Variants in SLC8A1 observed in about 807,000 individuals in gnomAD.
The protein encoded by SLC8A1 is sodium/calcium exchanger 1.
A neutral mutation model predicts 68.3 loss-of-function variants in SLC8A1; 18 were observed. The ratio of observed to expected loss-of-function variants is 0.26; its 90% confidence interval spans 0.18 to 0.39. The LOEUF is 0.39. Among genes scored for constraint, SLC8A1 ranks in the 10% least tolerant of loss-of-function variants. SLC8A1 has a pLI of 1.00. For synonymous variants in SLC8A1, 475 were observed against 415.5 expected (o/e 1.14, Z -1.74); for missense variants, 985 against 1,156.7 (o/e 0.85, Z 2.15).
chr2:40,234,709 C>T (rs1046385275), intron 2 of SLC8A1, among the ~76,000 whole-genome samples: 97 of 152,178 alleles, frequency 6.4e-4, no homozygotes, highest in African/African-American at 2.2e-3. Flanking sequence ...CAGTTTTTGC[C>T]CATTCAGTAT....
intron 6 of SLC8A1, among the ~76,000 whole-genome samples, chr2:40,139,940 C>A (rs1288037651): frequency 6.6e-6 from 1 of 152,220 alleles, no homozygotes; most frequent in African/African-American, 2.4e-5. Flanking sequence ...AATCAACACA[C>A]CCTTTCTACT....
intron 2 of SLC8A1, among the ~76,000 whole-genome samples, chr2:40,370,885 A>G (rs747642555): frequency 4.5e-4 from 68 of 152,064 alleles, no homozygotes; most frequent in Non-Finnish European, 4.9e-4. Context: ...GAGAAAGTAA[A>G]CCCCAAAGCT....
chr2:40,339,504 T>C (rs983425145), intron 2 of SLC8A1, among the ~76,000 whole-genome samples: 3 of 152,244 alleles, frequency 2.0e-5, no homozygotes, highest in Admixed American at 6.5e-5. Flanking sequence ...TCTAGAAACA[T>C]ATATTCTACC....
At chr2:40,440,682 CATG>C (rs780267159) in intron 1 of SLC8A1, among the ~76,000 whole-genome samples, 2 of 152,170 alleles carry the variant, frequency 1.3e-5, no homozygotes, top group African/African-American at 2.4e-5. Context: ...ACAAAAACCA[CATG>C]ATTATCTCAA....
intron 2 of SLC8A1, among the ~76,000 whole-genome samples, chr2:40,312,026 C>T (rs1394691689): frequency 6.6e-6 from 1 of 152,070 alleles, no homozygotes; most frequent in Non-Finnish European, 1.5e-5. Context: ...CATTCTCACT[C>T]CTTTTGATTT....
intron 2 of SLC8A1, among the ~76,000 whole-genome samples, chr2:40,239,410 G>A (rs534355996): frequency 1.1e-4 from 17 of 152,184 alleles, no homozygotes; most frequent in East Asian, 3.9e-4. Flanking sequence ...AATAGATTTA[G>A]GGCTAGAATG....
chr2:40,493,818 C>G (rs1046188003), intron 1 of SLC8A1, among the ~76,000 whole-genome samples: 3 of 151,992 alleles, frequency 2.0e-5, no homozygotes, highest in Non-Finnish European at 4.4e-5. Context: ...CCATCTATGT[C>G]TATTGACAAC....
At chr2:40,143,713 C>A (rs1291120043) in intron 6 of SLC8A1, among the ~76,000 whole-genome samples, 1 of 152,130 alleles carries the variant, frequency 6.6e-6, no homozygotes, top group Non-Finnish European at 1.5e-5. Flanking sequence ...AACATGAGAG[C>A]AAGAGCATCA....
chr2:40,353,550 A>G (rs72939962), intron 2 of SLC8A1, among the ~76,000 whole-genome samples: 3,957 of 152,164 alleles, frequency 0.026, 184 homozygotes, highest in African/African-American at 0.09. Flanking sequence ...TAATATTACA[A>G]GTGGAAAAAA....
chr2:40,245,532 T>C (rs1033230639), intron 2 of SLC8A1, among the ~76,000 whole-genome samples: 1 of 152,154 alleles, frequency 6.6e-6, no homozygotes, highest in Non-Finnish European at 1.5e-5. Flanking sequence ...ACACTCTGAC[T>C]CTGTGCTGTA....
rs553855679 is a variant in SLC8A1, at chr2:40,427,267, C to G, written c.1808+1206G>C. On this transcript the variant is annotated intron_variant, in intron 2 of 7. Coordinates refer to ENST00000406785, the Ensembl canonical transcript of SLC8A1. ...TGTTCTCTCTGCCCATCCCCTCCCC[C>G]TTTTTGGTTTGTTTTCTCTCACTTT... Among the ~76,000 whole-genome samples the G allele has an allele frequency of 2.2e-4, 34 of 152,132 alleles. No homozygotes were observed. In the East Asian group the frequency reaches 6.6e-3, roughly 29 times the overall value.
intron 7 of SLC8A1, 101 bp from the exon 11 acceptor site, chr2:40,115,730 A>G (rs922472028): frequency 6.9e-7 from 1 of 1,446,024 alleles, no homozygotes; most frequent in African/African-American, 1.4e-5. Flanking sequence ...AACCCTTAAT[A>G]TAAACCCAGT....
At chr2:40,430,096 G>A (rs1338732026) in exon 2 of SLC8A1, 2 of 1,613,580 alleles carry the variant, frequency 1.2e-6, no homozygotes, top group Non-Finnish European at 1.7e-6. Context: ...TTCCCAAATG[G>A]GCAAAATCAC....
chr2:40,503,386 G>A (rs1004922589), intron 1 of SLC8A1, among the ~76,000 whole-genome samples: 2 of 151,810 alleles, frequency 1.3e-5, no homozygotes, highest in Non-Finnish European at 2.9e-5. Context: ...AAATGAACTT[G>A]GTATAGTGAG....
intron 2 of SLC8A1, among the ~76,000 whole-genome samples, chr2:40,343,667 T>C (rs1668386521): frequency 6.6e-6 from 1 of 152,202 alleles, no homozygotes; most frequent in Non-Finnish European, 1.5e-5. Flanking sequence ...AAGCACAGAT[T>C]ATTATAAATT....
exon 8 of SLC8A1, chr2:40,111,719 G>A (rs575122676): frequency 6.6e-6 from 1 of 152,250 alleles, no homozygotes; most frequent in South Asian, 2.1e-4. Context: ...AATCGTTAAT[G>A]CGAGGCAGAA....
At chr2:40,402,426 G>C (rs894199370) in intron 2 of SLC8A1, among the ~76,000 whole-genome samples, 1 of 152,182 alleles carries the variant, frequency 6.6e-6, no homozygotes, top group Non-Finnish European at 1.5e-5. Flanking sequence ...CCATGCTGCT[G>C]CTCTGAGTAG....
intron 1 of SLC8A1, among the ~76,000 whole-genome samples, chr2:40,450,928 C>G (rs1438728434): frequency 6.6e-6 from 1 of 152,140 alleles, no homozygotes; most frequent in Non-Finnish European, 1.5e-5. Context: ...AAATTGCCAG[C>G]CCAAGCCATT....
chr2:40,271,540 C>G (rs1033449264), intron 2 of SLC8A1, among the ~76,000 whole-genome samples: 1 of 152,192 alleles, frequency 6.6e-6, no homozygotes, highest in Non-Finnish European at 1.5e-5. Flanking sequence ...CACGACCTGA[C>G]ATTACATTAT....
Sources: gnomAD v4.1 joint callset for allele counts (sites outside exome capture counted in the v4.1 genomes callset) on GRCh38, gnomAD v4.1.1 for gene constraint, MANE v1.5 for transcripts, NCBI Gene and HGNC (gene_info 2026-07-23, HGNC 2026-07-21) for gene names.